Variants in MCF2L2 observed in about 807,000 individuals in gnomAD.
The protein encoded by MCF2L2 is MCF.2 cell line derived transforming sequence-like 2, also known as probable guanine nucleotide exchange factor MCF2L2.
In MCF2L2, 102 loss-of-function variants were observed where a neutral mutation model predicts 150.2. The ratio of observed to expected loss-of-function variants is 0.68; its 90% CI spans 0.58 to 0.80. The LOEUF is 0.80. Among genes scored for constraint, MCF2L2 ranks in the 30% least tolerant of loss-of-function variants. The pLI is 0.00. For synonymous variants in MCF2L2, 465 were observed against 491.3 expected, an observed-to-expected ratio of 0.95 and a Z score of 0.71; for missense variants, 1,256 against 1,372.8, an observed-to-expected ratio of 0.91 and a Z score of 1.34.
intron 15 of MCF2L2, among the ~76,000 whole-genome samples, chr3:183,231,918 T>C (rs1296233773): frequency 1.3e-5 from 2 of 152,168 alleles, no homozygotes; most frequent in Non-Finnish European, 1.5e-5. Flanking sequence ...GAAGATGTGG[T>C]GGACAGAATT....
chr3:183,191,651 A>C (rs1239522348), intron 27 of MCF2L2, among the ~76,000 whole-genome samples: 1 of 152,142 alleles, frequency 6.6e-6, no homozygotes, highest in Non-Finnish European at 1.5e-5. Flanking sequence ...CCTTCTTCAC[A>C]ATGTCATGGA....
chr3:183,204,885 T>C (rs745481936), intron 25 of MCF2L2, among the ~76,000 whole-genome samples: 1 of 151,458 alleles, frequency 6.6e-6, no homozygotes, highest in African/African-American at 2.4e-5. Flanking sequence ...ATACGCAAAG[T>C]GAAAGAAGCT....
chr3:183,412,849 T>C (rs1715390685), intron 1 of MCF2L2, among the ~76,000 whole-genome samples: 2 of 152,336 alleles, frequency 1.3e-5, no homozygotes, highest in South Asian at 4.1e-4. Context: ...AACTATGATG[T>C]TAACTGTGGG....
chr3:183,207,838 C>T lies in MCF2L2; in HGVS notation c.2497-15G>A, dbSNP rs777237152. ...CCAATATCGTCCTTTTGGAAACACA[C>T]ATACAGGAAAAGAAGCTGTAAAATT... is the stretch of plus-strand genomic sequence containing the variant. On this transcript the variant is annotated splice_polypyrimidine_tract_variant and intron_variant, in intron 22 of 29. Coordinates refer to ENST00000328913, the MANE Select transcript of MCF2L2 (RefSeq NM_015078.4). 1 of 1,595,502 alleles carries T rather than the reference C, an allele frequency of 6.3e-7. No individual in the cohort carries two copies. Among genetic ancestry groups the T allele is most frequent in the Non-Finnish European group, 8.6e-7 (1 of 1,165,372 alleles).
intron 4 of MCF2L2, among the ~76,000 whole-genome samples, chr3:183,340,160 A>G (rs1730640374): frequency 6.6e-6 from 1 of 152,202 alleles, no homozygotes; most frequent in Non-Finnish European, 1.5e-5. Context: ...AGCTCCTAAC[A>G]GAAGAACCTT....
chr3:183,205,817 C>T, intron 25 of MCF2L2, 59 bp downstream of exon 25: 1 of 1,266,846 alleles, frequency 7.9e-7, no homozygotes, highest in Non-Finnish European at 1.1e-6. Context: ...ATTTGCACAT[C>T]CCCCACTGAG....
chr3:183,399,939 G>A (rs1267570586), intron 1 of MCF2L2, among the ~76,000 whole-genome samples: 1 of 152,090 alleles, frequency 6.6e-6, no homozygotes, highest in African/African-American at 2.4e-5. Flanking sequence ...TTAAAAAATA[G>A]AAAATACAAC....
intron 3 of MCF2L2, among the ~76,000 whole-genome samples, chr3:183,360,251 G>GGAAA (rs1213674831): frequency 6.6e-6 from 1 of 152,136 alleles, no homozygotes; most frequent in Non-Finnish European, 1.5e-5. Context: ...TGACTCTGGA[G>GGAAA]GAAACATTTT....
At chr3:183,220,092 T>C (rs1723091575) in intron 20 of MCF2L2, among the ~76,000 whole-genome samples, 168 bp from the exon 21 acceptor site, 1 of 152,248 alleles carries the variant, frequency 6.6e-6, no homozygotes, top group African/African-American at 2.4e-5. Context: ...TGGCACAGGG[T>C]CCTTTCCACA....
intron 10 of MCF2L2, among the ~76,000 whole-genome samples, chr3:183,303,867 C>T (rs1257407839): frequency 6.6e-6 from 1 of 152,170 alleles, no homozygotes; most frequent in Non-Finnish European, 1.5e-5. Flanking sequence ...TTGAGCAATG[C>T]ACACGGGGAA....
chr3:183,323,794 C>CA (rs77727862), intron 5 of MCF2L2, among the ~76,000 whole-genome samples: 24,241 of 127,498 alleles, frequency 0.19, 3,854 homozygotes, highest in African/African-American at 0.44. Flanking sequence ...AAGACCACAT[C>CA]AAAAAAAAAA....
chr3:183,324,016 A>C (rs1254421353), intron 5 of MCF2L2, among the ~76,000 whole-genome samples: 1 of 152,200 alleles, frequency 6.6e-6, no homozygotes, highest in East Asian at 1.9e-4. Context: ...AGCCACCAAA[A>C]TCAAGTGTTG....
intron 25 of MCF2L2, among the ~76,000 whole-genome samples, chr3:183,195,946 T>C (rs553859258): frequency 1.5e-4 from 23 of 152,332 alleles, no homozygotes; most frequent in African/African-American, 4.1e-4. Flanking sequence ...ACCGTGGCCT[T>C]GATTTCTGCC....
chr3:183,392,723 C>T (rs1714228731), intron 1 of MCF2L2, among the ~76,000 whole-genome samples: 1 of 152,198 alleles, frequency 6.6e-6, no homozygotes, highest in South Asian at 2.1e-4. Flanking sequence ...TACACCCAGC[C>T]TTCAGTTGCC....
intron 2 of MCF2L2, among the ~76,000 whole-genome samples, chr3:183,383,557 C>T (rs1389286008): frequency 6.6e-6 from 1 of 151,822 alleles, no homozygotes; most frequent in Non-Finnish European, 1.5e-5. Flanking sequence ...TTTTTTTAAT[C>T]TTAATAAAGT....
intron 10 of MCF2L2, among the ~76,000 whole-genome samples, chr3:183,307,230 A>G (rs966834515): frequency 6.6e-6 from 1 of 152,352 alleles, no homozygotes; most frequent in African/African-American, 2.4e-5. Flanking sequence ...GACAAACTCC[A>G]GGCAGATATT....
At chr3:183,298,765 G>GCGCGCGCGCGCACACACA in intron 11 of MCF2L2, 24 of 138,582 alleles carry the variant, frequency 1.7e-4, no homozygotes, top group African/African-American at 6.6e-4. Context: ...AAACACACAT[G>GCGCGCGCGCGCACACACA]CACACACACA....
chr3:183,405,996 G>A (rs1333135189), intron 1 of MCF2L2, among the ~76,000 whole-genome samples: 4 of 152,168 alleles, frequency 2.6e-5, no homozygotes, highest in South Asian at 2.1e-4. Flanking sequence ...GATTACAGGC[G>A]TGAGCCACCA....
chr3:183,422,967 G>A (rs544979816), intron 1 of MCF2L2, among the ~76,000 whole-genome samples: 3 of 152,278 alleles, frequency 2.0e-5, no homozygotes, highest in Admixed American at 2.0e-4. Context: ...AAGGGCAAGG[G>A]AGCTTTTGTA....
Sources: gnomAD v4.1 joint callset for allele counts (sites outside exome capture counted in the v4.1 genomes callset) on GRCh38, gnomAD v4.1.1 for gene constraint, MANE v1.5 for transcripts, NCBI Gene and HGNC (gene_info 2026-07-23, HGNC 2026-07-21) for gene names.